The following AOPEP variants were observed in gnomAD, a reference collection of about 807,000 sequenced individuals.
The protein encoded by AOPEP is aminopeptidase O.
A neutral mutation model predicts 98.1 loss-of-function variants in AOPEP; 77 were observed. The observed-to-expected ratio is 0.78, with a 90% CI of 0.65 to 0.95. The LOEUF is 0.95. Among genes scored for constraint, AOPEP ranks in the 40% least tolerant of loss-of-function variants. The probability of loss-of-function intolerance (pLI) is 0.00; values close to 1 mark genes in which losing one functional copy is unlikely to be tolerated. For synonymous variants in AOPEP, 346 were observed against 365.3 expected, an observed-to-expected ratio of 0.95 and a Z score of 0.60; for missense variants, 1,024 against 1,024.7, an observed-to-expected ratio of 1.00 and a Z score of 0.01.
In AOPEP at chr9:95,005,236, G is replaced by GCGGTCCCTGCGCCC; in HGVS notation, c.2040+21_2040+34dup. 1.8e-6 allele frequency: 2 copies of GCGGTCCCTGCGCCC among 1,084,570 alleles called. No individual in the cohort carries two copies. The highest frequency in any genetic ancestry group is 2.2e-6 in the Non-Finnish European group (2 of 893,320). 67.2% of individuals were successfully genotyped at this position (1,084,570 alleles called of 1,614,324 possible). A position where few individuals can be genotyped will look rare whatever the true frequency, so the allele number is the denominator to read the frequency against. On this transcript the variant is annotated intron_variant, in intron 12 of 16. Transcript: ENST00000375315. Reference sequence around the variant, plus strand: ...GCGCGCCGAGGTGAGTGCGGGCGGCGCGGTCCCTGCGCCCCGGTGGCGCCG... The same window carrying GCGGTCCCTGCGCCC: ...GCGCGCCGAGGTGAGTGCGGGCGGCGCGGTCCCTGCGCCCCGGTCCCTGCGCCCCGGTGGCGCCG...
In AOPEP at chr9:95,008,790, A is replaced by G. The variant is rs1029626117; in HGVS notation, c.2115+3174A>G. On this transcript the variant is annotated intron_variant, in intron 13 of 16. Transcript: ENST00000375315. ...GGCTTCATTTCTTATCTCTCTGAAG[A>G]TGCATCATTCTGTCTCATGCGTCTT... Among the ~76,000 whole-genome samples, 9 of 152,252 alleles carry G rather than the reference A, an allele frequency of 5.9e-5. No homozygotes were observed. In the East Asian group the frequency reaches 1.7e-3, roughly 29 times the overall value.
intron 9 of AOPEP, 34 bp downstream of exon 9, chr9:94,956,049 T>A: frequency 8.1e-7 from 1 of 1,240,858 alleles, no homozygotes; most frequent in Non-Finnish European, 1.2e-6. Flanking sequence ...CCATGATGTA[T>A]GACTGGAGGG....
At chr9:94,861,165 A>C (rs2044919193) in intron 5 of AOPEP, among the ~76,000 whole-genome samples, 1 of 152,090 alleles carries the variant, frequency 6.6e-6, no homozygotes, top group Non-Finnish European at 1.5e-5. Context: ...ACGTACGGGG[A>C]GCTCTGGCCA....
At chr9:94,941,338 C>G (rs1319096209) in intron 7 of AOPEP, among the ~76,000 whole-genome samples, 1 of 152,254 alleles carries the variant, frequency 6.6e-6, no homozygotes, top group Non-Finnish European at 1.5e-5. Flanking sequence ...CTTAGAATTC[C>G]TGCCCTACAC....
chr9:94,946,555 G>A (rs1199359657), intron 7 of AOPEP, among the ~76,000 whole-genome samples: 2 of 152,136 alleles, frequency 1.3e-5, no homozygotes, highest in Non-Finnish European at 2.9e-5. Context: ...CCTTAGAATG[G>A]CCCTTCTCAG....
chr9:95,129,419 T>A, the AOPEP span, among the ~76,000 whole-genome samples: 2 of 152,032 alleles, frequency 1.3e-5, no homozygotes, highest in Non-Finnish European at 2.9e-5. Context: ...GGAAGCCGTA[T>A]CTTCCCCCCT....
In AOPEP at chr9:94,967,790, A is replaced by G. The variant is rs151102936; in HGVS notation, c.1905A>G (p.Pro635=). The part of the protein sequence containing the change: ...DFLQMLLENI[P]EEKRLELSVE... ...TTCAAATGCTACTGGAGAACATTCC[A>G]GAAGAAAAAAGGTAAGGACCAATTT... Residue 635 remains proline, a synonymous_variant, in exon 10 of 17, where the codon CCA becomes CCG. Transcript: ENST00000375315. 3.5e-5 allele frequency: 56 copies of G among 1,613,172 alleles called. No homozygotes were observed. The highest frequency in any genetic ancestry group is 4.6e-5 in the Non-Finnish European group (54 of 1,179,250).
chr9:94,862,548 C>T (rs776598428), intron 5 of AOPEP, among the ~76,000 whole-genome samples: 5 of 150,154 alleles, frequency 3.3e-5, no homozygotes, highest in Admixed American at 6.6e-5. Flanking sequence ...GGTTTGCCTG[C>T]GACTGGTCCC....
At chr9:94,812,728 T>G (rs1277305686) in intron 5 of AOPEP, among the ~76,000 whole-genome samples, 1 of 152,262 alleles carries the variant, frequency 6.6e-6, no homozygotes, top group East Asian at 1.9e-4. Context: ...AATAAGGACT[T>G]TATTTGGTCA....
chr9:94,998,458 G>A (rs2061371123), intron 11 of AOPEP, among the ~76,000 whole-genome samples: 1 of 152,162 alleles, frequency 6.6e-6, no homozygotes, highest in Admixed American at 6.5e-5. Context: ...TGGTAGGGGT[G>A]CTTCAATACT....
intron 13 of AOPEP, among the ~76,000 whole-genome samples, chr9:95,010,204 A>C (rs997835324): frequency 6.6e-6 from 1 of 152,210 alleles, no homozygotes; most frequent in South Asian, 2.1e-4. Flanking sequence ...CAAAATGATA[A>C]AGGTAGGTAC....
At chr9:95,080,951 CCT>C in intron 15 of AOPEP, 171 bp downstream of exon 15, 1 of 616,052 alleles carries the variant, frequency 1.6e-6, no homozygotes, top group Non-Finnish European at 2.9e-6. Context: ...CTGCTTTTTT[CCT>C]CTCTCAATGT....
At chr9:95,021,864 G>A (rs901074848) in intron 13 of AOPEP, 11 of 152,380 alleles carry the variant, frequency 7.2e-5, no homozygotes, top group Admixed American at 2.0e-4. Flanking sequence ...TCAGTGGGAA[G>A]TGTAAAGGTG....
intron 4 of AOPEP, among the ~76,000 whole-genome samples, chr9:94,800,106 A>G (rs1046867560): frequency 2.0e-5 from 3 of 152,198 alleles, no homozygotes; most frequent in Non-Finnish European, 4.4e-5. Context: ...AGGCTGGCTC[A>G]GTTAAATTTG....
chr9:94,748,384 G>A (rs943263411), intron 1 of AOPEP, among the ~76,000 whole-genome samples: 3 of 152,042 alleles, frequency 2.0e-5, no homozygotes, highest in African/African-American at 7.2e-5. Context: ...AACTTTTGAA[G>A]CTTTATATCT....
At chr9:94,884,048 C>T (rs941408768) in intron 5 of AOPEP, among the ~76,000 whole-genome samples, 3 of 152,204 alleles carry the variant, frequency 2.0e-5, no homozygotes, top group African/African-American at 7.2e-5. Flanking sequence ...GAGGGGCATC[C>T]CTGCTTCATG....
chr9:94,905,506 T>A (rs2136314981), intron 5 of AOPEP, among the ~76,000 whole-genome samples: 1 of 152,336 alleles, frequency 6.6e-6, no homozygotes, highest in East Asian at 1.9e-4. Context: ...TGATTTCAAA[T>A]TCTAGTTTTA....
intron 5 of AOPEP, among the ~76,000 whole-genome samples, chr9:94,888,694 A>G (rs572558605): frequency 7.2e-5 from 11 of 152,244 alleles, no homozygotes; most frequent in East Asian, 1.9e-4. Context: ...GTTGTCCCCT[A>G]TGAGGTTGGG....
At chr9:95,014,906 C>T (rs556614783) in intron 13 of AOPEP, among the ~76,000 whole-genome samples, 1 of 152,292 alleles carries the variant, frequency 6.6e-6, no homozygotes, top group East Asian at 1.9e-4. Flanking sequence ...ATTTATTGTA[C>T]ATAAGTCCCC....
Sources: allele counts gnomAD v4.1 joint callset (sites outside exome capture counted in the v4.1 genomes callset), GRCh38; gene constraint gnomAD v4.1.1; transcripts MANE v1.5; gene names NCBI Gene and HGNC (gene_info 2026-07-23, HGNC 2026-07-21).